CDK5RAP2: variants seen among roughly 807,000 people sequenced by gnomAD.
The protein encoded by CDK5RAP2 is CDK5 regulatory subunit-associated protein 2.
CDK5RAP2 carries 147 observed loss-of-function variants against 232.9 expected under a neutral mutation model. That is an observed-to-expected ratio of 0.63 (90% confidence interval 0.55 to 0.72). The LOEUF (loss-of-function observed/expected upper bound fraction) is 0.72. Ranked by LOEUF, CDK5RAP2 falls within the 30% of genes least tolerant of loss-of-function variation. The pLI is 0.00. For synonymous variants in CDK5RAP2, 833 were observed against 833.7 expected (o/e 1.00, Z 0.01); for missense variants, 2,195 against 2,231.5 (o/e 0.98, Z 0.33).
chr9:120,414,058 C>T (rs2034055470), intron 28 of CDK5RAP2, among the ~76,000 whole-genome samples: 1 of 152,180 alleles, frequency 6.6e-6, no homozygotes, highest in Admixed American at 6.5e-5. Flanking sequence ...ATGGGAATGA[C>T]ATTAGAGTCC....
intron 13 of CDK5RAP2, among the ~76,000 whole-genome samples, chr9:120,489,015 G>T (rs966560180): frequency 2.0e-5 from 3 of 152,276 alleles, no homozygotes; most frequent in Middle Eastern, 3.4e-3. Flanking sequence ...CATCCTACGA[G>T]AGCTTCCAGC....
At chr9:120,536,557 T>C (rs374135349) in intron 6 of CDK5RAP2, 31 bp from the exon 7 acceptor site, 2 of 1,607,784 alleles carry the variant, frequency 1.2e-6, no homozygotes, top group South Asian at 2.2e-5. Context: ...TTTGATGCAA[T>C]TTTTCAATAC....
At chr9:120,577,214 T>A (rs1184596987) in intron 1 of CDK5RAP2, among the ~76,000 whole-genome samples, 1 of 151,984 alleles carries the variant, frequency 6.6e-6, no homozygotes, top group Non-Finnish European at 1.5e-5. Flanking sequence ...ATACAAAAAT[T>A]AGCCAGGCGT....
At chr9:120,504,152 T>C (rs1232313941) in intron 12 of CDK5RAP2, among the ~76,000 whole-genome samples, 1 of 151,798 alleles carries the variant, frequency 6.6e-6, no homozygotes, top group Non-Finnish European at 1.5e-5. Flanking sequence ...AAATTAAGGG[T>C]TTGGGGTAGT....
chr9:120,491,352 G>T lies in CDK5RAP2; in HGVS notation c.1437C>A (p.Ile479=). 1 of 1,613,490 alleles carries T rather than the reference G, an allele frequency of 6.2e-7. No homozygotes were observed. The highest frequency in any genetic ancestry group is 1.1e-5 in the South Asian group (1 of 90,998). ...GATTGGTACTTTCTGTTAGATGTTT[G>T]ATCACTTGCTCTTGATTGTGCAATT... ...NKKLHNQEQV[I]KHLTESTNQK... Residue 479 remains isoleucine, a synonymous_variant, in exon 13 of 38, where the codon ATC becomes ATA. Transcript: ENST00000349780.
intron 20 of CDK5RAP2, among the ~76,000 whole-genome samples, chr9:120,456,744 G>T (rs80248187): frequency 0.024 from 3,643 of 152,146 alleles, 60 homozygotes; most frequent in Non-Finnish European, 0.037. Flanking sequence ...TTGTTATTTG[G>T]CTAGCCAAAG....
At chr9:120,457,917 T>C (rs374834339) in intron 20 of CDK5RAP2, among the ~76,000 whole-genome samples, 2 of 152,278 alleles carry the variant, frequency 1.3e-5, no homozygotes, top group South Asian at 2.1e-4. Context: ...AGGAAGAATA[T>C]GAAAGGGGCA....
At chr9:120,445,327 C>T (rs760713208) in intron 22 of CDK5RAP2, among the ~76,000 whole-genome samples, 53 of 152,324 alleles carry the variant, frequency 3.5e-4, no homozygotes, top group East Asian at 1.2e-3. Flanking sequence ...ATACCACCAA[C>T]GACCCCACTT....
At chr9:120,395,173 G>A (rs577682844) in intron 35 of CDK5RAP2, among the ~76,000 whole-genome samples, 2 of 152,248 alleles carry the variant, frequency 1.3e-5, no homozygotes, top group South Asian at 2.1e-4. Context: ...AAAGAGCCCA[G>A]AACAACACGT....
chr9:120,540,428 A>T (rs1314288334), intron 5 of CDK5RAP2, among the ~76,000 whole-genome samples: 1 of 152,248 alleles, frequency 6.6e-6, no homozygotes, highest in African/African-American at 2.4e-5. Flanking sequence ...TGTACAAGCC[A>T]TGTGAATTTT....
chr9:120,415,832 G>A (rs7860394), intron 27 of CDK5RAP2, among the ~76,000 whole-genome samples: 5,641 of 152,198 alleles, frequency 0.037, 122 homozygotes, highest in African/African-American at 0.06. Context: ...GCTGACAAGC[G>A]TTTGCCAGAA....
chr9:120,547,050 G>A (rs1037458960), intron 4 of CDK5RAP2, among the ~76,000 whole-genome samples: 10 of 151,450 alleles, frequency 6.6e-5, no homozygotes, highest in East Asian at 5.8e-4. Flanking sequence ...GCAGTGGTGC[G>A]ATCTCAGCTC....
At chr9:120,510,498 C>T (rs780817612) in intron 12 of CDK5RAP2, among the ~76,000 whole-genome samples, 7 of 152,182 alleles carry the variant, frequency 4.6e-5, no homozygotes, top group African/African-American at 7.2e-5. Context: ...ATACCAAGCG[C>T]CTGAACCAGA....
intron 11 of CDK5RAP2, among the ~76,000 whole-genome samples, chr9:120,519,173 C>CA (rs765274307): frequency 0.049 from 4,781 of 97,000 alleles, 155 homozygotes; most frequent in African/African-American, 0.11. Context: ...GACTCCGTCT[C>CA]AAAAAAAAAA....
rs199723328 is a variant in CDK5RAP2 at position 120,539,099 on chromosome 9, C to G, written c.449G>C (p.Arg150Pro). ...SEIQRVKEDA[R>P]KKVQQVEDLL... The stretch of plus-strand genomic sequence containing the variant: ...ATCTTCCACCTGCTGCACCTTCTTT[C>G]GAGCATCTTCTTTCACCCGCTGGAT... Residue 150 changes from arginine to proline, a missense_variant, in exon 6 of 38, where the codon CGA (arginine) becomes CCA (proline). Transcript: ENST00000349780. 23 of 1,613,858 alleles carry G rather than the reference C, an allele frequency of 1.4e-5. No individual in the cohort carries two copies. Among genetic ancestry groups the G allele is most frequent in the Non-Finnish European group, 1.9e-5 (22 of 1,179,858 alleles).
intron 22 of CDK5RAP2, 42 bp from the exon 23 acceptor site, chr9:120,443,784 T>C (rs752419526): frequency 6.2e-7 from 1 of 1,612,290 alleles, no homozygotes; most frequent in Non-Finnish European, 8.5e-7. Context: ...AATAAAACCG[T>C]AAGACCTGAA....
intron 8 of CDK5RAP2, 51 bp from the exon 9 acceptor site, chr9:120,528,848 T>G: frequency 7.8e-7 from 1 of 1,279,048 alleles, no homozygotes; most frequent in Non-Finnish European, 1.1e-6. Flanking sequence ...ATCCAACAGC[T>G]TCTCCAGAAC....
chr9:120,501,838 A>T (rs1335444772), intron 12 of CDK5RAP2, among the ~76,000 whole-genome samples: 4 of 152,232 alleles, frequency 2.6e-5, no homozygotes, highest in Non-Finnish European at 5.9e-5. Context: ...CTCATTAGGT[A>T]TAATGAAATG....
At chr9:120,468,031 C>T (rs369338519) in intron 17 of CDK5RAP2, 34 bp from the exon 18 acceptor site, 1 of 1,612,678 alleles carries the variant, frequency 6.2e-7, no homozygotes, top group Non-Finnish European at 8.5e-7. Flanking sequence ...GGCTGTCTAC[C>T]CAGCAAGAGA....
Sources: gnomAD v4.1 joint callset for allele counts (sites outside exome capture counted in the v4.1 genomes callset) on GRCh38, gnomAD v4.1.1 for gene constraint, MANE v1.5 for transcripts, NCBI Gene and HGNC (gene_info 2026-07-23, HGNC 2026-07-21) for gene names.